DMGDH: variants seen among roughly 807,000 people sequenced by gnomAD.
DMGDH encodes the protein dimethylglycine dehydrogenase, mitochondrial.
A neutral mutation model predicts 95.2 loss-of-function variants in DMGDH; 76 were observed. The ratio of observed to expected loss-of-function variants is 0.80; its 90% CI spans 0.66 to 0.97. The LOEUF is 0.97. DMGDH is among the 50% of genes least tolerant of loss of function. The pLI is 0.00. For missense variants in DMGDH, 987 were observed against 1,055.0 expected (o/e 0.94, Z 0.89); for synonymous variants, 345 against 377.6 (o/e 0.91, Z 1.00).
rs1223378078 is a variant in DMGDH, at chr5:79,051,455, T to C, written c.577A>G (p.Ile193Val). 1 of 1,614,172 alleles carries C rather than the reference T, an allele frequency of 6.2e-7. No individual in the cohort carries two copies. Among genetic ancestry groups the C allele is most frequent in the East Asian group, 2.2e-5 (1 of 44,884 alleles). Residue 193 changes from isoleucine to valine, a missense_variant, in exon 5 of 16, where the codon ATT becomes GTT. Transcript: ENST00000255189. The stretch of plus-strand genomic sequence containing the variant: ...GCCATAGTTAGAGAATAAGGATCAA[T>C]GTGACCATCTCCAGGATTATACAAT... ...AGLYNPGDGH[I>V]DPYSLTMALA...
At position 79,069,543 on chromosome 5, in the gene DMGDH, C is replaced by A. The variant is rs556440039; in HGVS notation, c.78G>T (p.Pro26=). 54 of 1,312,404 alleles carry A rather than the reference C, an allele frequency of 4.1e-5. No homozygotes were observed. In the African/African-American group the frequency reaches 7.7e-4, roughly 19 times the overall value. The allele number at this position is 1,312,404 out of a possible 1,614,324, so 81.3% of individuals were successfully genotyped here. Residue 26 remains proline (P), a synonymous_variant, in exon 1 of 16, where the codon CCG becomes CCT. Transcript: ENST00000255189. ...SCPLQGSPGR[P]RSVCGREGEE... ...ACCCTTCCCGGCCGCAGACAGAGCGCGGGCGCCCGGGGGAGCCCTGCAGCG... is the reference window on the plus strand; with the variant it reads ...ACCCTTCCCGGCCGCAGACAGAGCGAGGGCGCCCGGGGGAGCCCTGCAGCG...
intron 4 of DMGDH, among the ~76,000 whole-genome samples, chr5:79,053,769 A>T (rs948947750): frequency 2.6e-5 from 4 of 152,220 alleles, no homozygotes; most frequent in Admixed American, 1.3e-4. Flanking sequence ...GCTAGGTGAT[A>T]TTTGTAGAGC....
chr5:79,023,048 A>C (rs1322643171), intron 14 of DMGDH, among the ~76,000 whole-genome samples: 1 of 152,220 alleles, frequency 6.6e-6, no homozygotes, highest in Admixed American at 6.5e-5. Context: ...GTACAGAAAG[A>C]TATTCCCTTT....
chr5:79,044,001 A>G (rs1484918971), intron 6 of DMGDH, among the ~76,000 whole-genome samples: 1 of 152,232 alleles, frequency 6.6e-6, no homozygotes, highest in African/African-American at 2.4e-5. Context: ...TGGATTGAGG[A>G]AAAAACGGGG....
chr5:79,050,259 AAAAAAAAAAAAAAAAT>A (rs1313119934), intron 5 of DMGDH, among the ~76,000 whole-genome samples: 9 of 57,912 alleles, frequency 1.6e-4, no homozygotes, highest in South Asian at 6.5e-4. Flanking sequence ...AAAAAAAAAA[AAAAAAAAAAAAAAAAT>A]ATATATATAT....
intron 10 of DMGDH, 81 bp downstream of exon 10, chr5:79,030,752 T>C: frequency 6.9e-7 from 1 of 1,447,678 alleles, no homozygotes; most frequent in South Asian, 1.2e-5. Context: ...CAGAAATCAT[T>C]AGGTGAACTA....
intron 14 of DMGDH, among the ~76,000 whole-genome samples, chr5:79,006,168 C>A (rs1580182557): frequency 1.4e-5 from 2 of 140,754 alleles, no homozygotes; most frequent in Admixed American, 7.3e-5. Flanking sequence ...AAGGGAATGA[C>A]AGCGACATTG....
chr5:79,004,524 G>T (rs917330712), intron 15 of DMGDH, among the ~76,000 whole-genome samples: 1 of 152,092 alleles, frequency 6.6e-6, no homozygotes, highest in Non-Finnish European at 1.5e-5. Context: ...CCCTCCCCAT[G>T]GTCTAAGCTG....
intron 1 of DMGDH, 86 bp from the exon 2 acceptor site, chr5:79,063,873 T>C (rs925940203): frequency 1.5e-6 from 2 of 1,342,186 alleles, no homozygotes; most frequent in African/African-American, 2.9e-5. Context: ...TACCCGTTTC[T>C]CTAGTACTTA....
chr5:79,009,360 C>CT (rs372464439), intron 14 of DMGDH, among the ~76,000 whole-genome samples: 4,667 of 107,414 alleles, frequency 0.043, 385 homozygotes, highest in African/African-American at 0.15. Context: ...CTTTTCTTTT[C>CT]TTTTCTTTTT....
intron 6 of DMGDH, among the ~76,000 whole-genome samples, chr5:79,042,902 G>A (rs1039629815): frequency 6.6e-6 from 1 of 152,126 alleles, no homozygotes; most frequent in Admixed American, 6.5e-5. Context: ...ACTGGAAAAA[G>A]TGGAACACTC....
At chr5:79,030,747 A>G in intron 10 of DMGDH, 86 bp downstream of exon 10, 1 of 1,405,824 alleles carries the variant, frequency 7.1e-7, no homozygotes, top group Non-Finnish European at 9.9e-7. Flanking sequence ...TCATCCAGAA[A>G]TCATTAGGTG....
rs73771389 is a variant in DMGDH, at chr5:79,025,644, A to C, written c.2190+780T>G. Among the ~76,000 whole-genome samples, 795 of 152,312 alleles carry C rather than the reference A, an allele frequency of 5.2e-3. 7 individuals are homozygous for C. Among genetic ancestry groups the C allele is most frequent in the African/African-American group, 0.018 (767 of 41,564 alleles). ...AGATAGCTGGTGCGTGGTGGAGGAA[A>C]AATTCAAACCCAAGAGTCCCCGCTC... On this transcript the variant is annotated intron_variant, in intron 13 of 15. Coordinates refer to ENST00000255189, the MANE Select transcript of DMGDH (RefSeq NM_013391.3).
At chr5:79,065,577 C>A (rs185167498) in intron 1 of DMGDH, among the ~76,000 whole-genome samples, 8 of 152,248 alleles carry the variant, frequency 5.3e-5, no homozygotes, top group Admixed American at 2.6e-4. Context: ...CCTGTCTGAG[C>A]CAATTTTACT....
intron 7 of DMGDH, among the ~76,000 whole-genome samples, chr5:79,041,698 G>C (rs1754511354): frequency 6.6e-6 from 1 of 152,136 alleles, no homozygotes; most frequent in Non-Finnish European, 1.5e-5. Flanking sequence ...AATATGCAAA[G>C]AGAAAGCTCC....
chr5:79,000,548 C>T, intron 15 of DMGDH: 1 of 588,342 alleles, frequency 1.7e-6, no homozygotes, highest in African/African-American at 1.9e-5. Flanking sequence ...CTTTGATTTT[C>T]ACTGATATCA....
intron 2 of DMGDH, among the ~76,000 whole-genome samples, chr5:79,059,744 C>T (rs1054121143): frequency 1.4e-4 from 21 of 152,336 alleles, no homozygotes; most frequent in African/African-American, 5.1e-4. Context: ...TTCTCACCTA[C>T]TGAAAGCATC....
chr5:79,039,918 G>A (rs1221091957), intron 7 of DMGDH, among the ~76,000 whole-genome samples: 2 of 152,074 alleles, frequency 1.3e-5, no homozygotes, highest in East Asian at 3.9e-4. Context: ...ACCTGGAAAG[G>A]GCCTGGTGGT....
chr5:79,024,861 G>A (rs1461761087), intron 13 of DMGDH, among the ~76,000 whole-genome samples: 2 of 152,240 alleles, frequency 1.3e-5, no homozygotes, highest in Admixed American at 1.3e-4. Context: ...CAGGGCTAAC[G>A]CCAATATTTG....
Sources: gnomAD v4.1 joint callset for allele counts (sites outside exome capture counted in the v4.1 genomes callset) on GRCh38, gnomAD v4.1.1 for gene constraint, MANE v1.5 for transcripts, NCBI Gene and HGNC (gene_info 2026-07-23, HGNC 2026-07-21) for gene names.